The following AGAP1 variants were observed in gnomAD, a reference collection of about 807,000 sequenced individuals.
AGAP1 encodes the protein ArfGAP with GTPase domain, ankyrin repeat and PH domain 1, also known as arf-GAP with GTPase, ANK repeat and PH domain-containing protein 1.
AGAP1 carries 29 observed loss-of-function variants against 105.3 expected under a neutral mutation model. The observed-to-expected ratio is 0.28, with a 90% confidence interval of 0.21 to 0.38. AGAP1 has a LOEUF of 0.38. Among genes scored for constraint, AGAP1 ranks in the 10% least tolerant of loss-of-function variants. AGAP1 has a pLI of 1.00. For synonymous variants in AGAP1, 509 were observed against 485.9 expected (o/e 1.05, Z -0.63); for missense variants, 998 against 1,165.1 (o/e 0.86, Z 2.09).
At chr2:236,039,509 T>C (rs1370077725) in intron 14 of AGAP1, among the ~76,000 whole-genome samples, 1 of 152,220 alleles carries the variant, frequency 6.6e-6, no homozygotes, top group Non-Finnish European at 1.5e-5. Flanking sequence ...AGGAATCTAT[T>C]CTTAGTAAAT....
chr2:235,929,648 G>A (rs962500283), intron 11 of AGAP1, among the ~76,000 whole-genome samples: 29 of 152,256 alleles, frequency 1.9e-4, no homozygotes, highest in African/African-American at 7.0e-4. Flanking sequence ...CAGTGAGGCC[G>A]CTTGTTTGAG....
At chr2:235,676,436 T>C (rs1948740698) in intron 1 of AGAP1, among the ~76,000 whole-genome samples, 1 of 152,178 alleles carries the variant, frequency 6.6e-6, no homozygotes, top group Non-Finnish European at 1.5e-5. Flanking sequence ...AGGGAGTGAA[T>C]TGAATGTTCT....
At chr2:235,507,303 T>G (rs1222175767) in intron 1 of AGAP1, 2 of 152,472 alleles carry the variant, frequency 1.3e-5, no homozygotes, top group East Asian at 3.9e-4. Context: ...ATGTAAACAG[T>G]GAGGAGGATA....
At chr2:235,814,084 C>T (rs1228094749) in intron 9 of AGAP1, among the ~76,000 whole-genome samples, 11 of 152,270 alleles carry the variant, frequency 7.2e-5, no homozygotes, top group South Asian at 2.1e-4. Flanking sequence ...ACTAGGGTCT[C>T]GGGGTTTTTA....
At chr2:235,671,733 C>T (rs1229259970) in intron 1 of AGAP1, among the ~76,000 whole-genome samples, 2 of 152,230 alleles carry the variant, frequency 1.3e-5, no homozygotes, top group African/African-American at 4.8e-5. Flanking sequence ...AGCAAAAGGG[C>T]AGGAAAACCG....
chr2:236,108,881 GCC>G lies in AGAP1; in HGVS notation c.2115-11310_2115-11309del, dbSNP rs1450360847. Reference sequence around the variant, plus strand: ...GTGTCCCGTTCATCTCCCAGACCCCGCCACAAGACAGTGCTGAAAGGCAGTCA... The same window carrying G: ...GTGTCCCGTTCATCTCCCAGACCCCGACAAGACAGTGCTGAAAGGCAGTCA... On this transcript the variant is annotated intron_variant, in intron 16 of 17. Transcript: ENST00000304032. Among the ~76,000 whole-genome samples the G allele has an allele frequency of 2.6e-5, 4 of 152,192 alleles. No individual in the cohort carries two copies. In the South Asian group the frequency reaches 8.3e-4, roughly 32 times the overall value.
chr2:235,812,202 C>G (rs944882049), intron 9 of AGAP1, among the ~76,000 whole-genome samples: 1 of 152,116 alleles, frequency 6.6e-6, no homozygotes, highest in Admixed American at 6.5e-5. Flanking sequence ...GACCTTGAAC[C>G]CTGATGTCAT....
chr2:235,785,029 C>T (rs755907766), intron 6 of AGAP1, among the ~76,000 whole-genome samples: 1 of 152,208 alleles, frequency 6.6e-6, no homozygotes, highest in Admixed American at 6.5e-5. Context: ...GTCACTTCTT[C>T]CCGTGCACAG....
In AGAP1 at chr2:235,691,984, A is replaced by G. The variant is rs918779884; in HGVS notation, c.164-17195A>G. On this transcript the variant is annotated intron_variant, in intron 1 of 17. Transcript: ENST00000304032. The surrounding 1 kb of genome is among the most constrained non-coding windows in gnomAD (Gnocchi z 4.4). ...ACAGCATCACGATAGCACATTCTCT[A>G]GTTGCTGGTTATCTAGTTACTAGTG... Among the ~76,000 whole-genome samples the G allele has an allele frequency of 3.3e-5, 5 of 152,234 alleles. No individual in the cohort carries two copies. Among genetic ancestry groups the G allele is most frequent in the Non-Finnish European group, 7.3e-5 (5 of 68,036 alleles).
chr2:235,653,356 C>T (rs1455316856), intron 1 of AGAP1, among the ~76,000 whole-genome samples: 10 of 151,868 alleles, frequency 6.6e-5, no homozygotes, highest in East Asian at 1.9e-4. Flanking sequence ...CCCAGCTACT[C>T]GGGAGGCTGA....
chr2:236,019,086 A>G (rs556509772), intron 13 of AGAP1, among the ~76,000 whole-genome samples: 3 of 152,240 alleles, frequency 2.0e-5, no homozygotes, highest in South Asian at 4.2e-4. Context: ...ATTCCCTCCA[A>G]CACTCGTTTT....
intron 6 of AGAP1, among the ~76,000 whole-genome samples, chr2:235,782,670 T>G (rs1353098148): frequency 6.6e-6 from 1 of 152,180 alleles, no homozygotes; most frequent in Non-Finnish European, 1.5e-5. Flanking sequence ...AGATAAAAGG[T>G]GCTGTGTAGC....
chr2:235,853,020 A>T (rs2048541905), intron 9 of AGAP1: 1 of 1,245,870 alleles, frequency 8.0e-7, no homozygotes, highest in African/African-American at 1.5e-5. Flanking sequence ...AAAGTTCGGC[A>T]ACTCACAAAA....
rs1349982507 is a variant in AGAP1 at position 235,963,403 on chromosome 2, G to A, written c.1484-5059G>A. Reference sequence around the variant, plus strand: ...TTCAGTTGTTAAAGGGCTGCTTTGTGTGCACATAGAAAAGGAAACAGATGT... The same window carrying A: ...TTCAGTTGTTAAAGGGCTGCTTTGTATGCACATAGAAAAGGAAACAGATGT... On this transcript the variant is annotated intron_variant, in intron 12 of 17. Coordinates refer to ENST00000304032, the MANE Select transcript of AGAP1 (RefSeq NM_001037131.3). The surrounding 1 kb of genome is among the most constrained non-coding windows in gnomAD (Gnocchi z 5.1). 6.6e-6 allele frequency among the ~76,000 whole-genome samples: 1 copy of A among 152,162 alleles called. No homozygotes were observed. Among genetic ancestry groups the A allele is most frequent in the African/African-American group, 2.4e-5 (1 of 41,432 alleles).
intron 1 of AGAP1, among the ~76,000 whole-genome samples, chr2:235,533,823 G>T (rs1356517957): frequency 6.6e-6 from 1 of 152,234 alleles, no homozygotes; most frequent in Non-Finnish European, 1.5e-5. Context: ...GCCCCTCTGT[G>T]CTGCAAGCAT....
chr2:235,653,858 A>G (rs949604446), intron 1 of AGAP1, among the ~76,000 whole-genome samples: 11 of 152,168 alleles, frequency 7.2e-5, no homozygotes, highest in Admixed American at 3.3e-4. Flanking sequence ...GGAGTTCAAG[A>G]CCATCCTGGC....
At chr2:235,949,685 C>T (rs1036625679) in intron 12 of AGAP1, among the ~76,000 whole-genome samples, 2 of 152,284 alleles carry the variant, frequency 1.3e-5, no homozygotes, top group South Asian at 2.1e-4. Flanking sequence ...CAGTTAAAAT[C>T]TTTCCATTTT....
intron 1 of AGAP1, among the ~76,000 whole-genome samples, chr2:235,656,974 A>G (rs1440359294): frequency 6.6e-6 from 1 of 152,242 alleles, no homozygotes; most frequent in Non-Finnish European, 1.5e-5. Context: ...CAAGACATGC[A>G]TGATTTTAAA....
At chr2:235,536,255 A>G (rs1362329740) in intron 1 of AGAP1, among the ~76,000 whole-genome samples, 1 of 1,898 alleles carries the variant, frequency 5.3e-4, no homozygotes, top group Non-Finnish European at 6.8e-4. Context: ...GTGGCATCCT[A>G]CACACACACA....
Sources: allele counts gnomAD v4.1 joint callset (sites outside exome capture counted in the v4.1 genomes callset), GRCh38; gene constraint gnomAD v4.1.1; non-coding constraint Gnocchi (gnomAD v3.1); transcripts MANE v1.5; gene names NCBI Gene and HGNC (gene_info 2026-07-23, HGNC 2026-07-21).